The following LUC7L variants were observed in gnomAD, a reference collection of about 807,000 sequenced individuals.
The protein encoded by LUC7L is LUC7 like.
A neutral mutation model predicts 51.1 loss-of-function variants in LUC7L; 29 were observed. The observed-to-expected ratio is 0.57, with a 90% CI of 0.42 to 0.77. The LOEUF (loss-of-function observed/expected upper bound fraction) is 0.77. Ranked by LOEUF, LUC7L falls within the 30% of genes least tolerant of loss-of-function variation. The pLI, the probability that LUC7L is intolerant of heterozygous loss-of-function variation, is 0.00. For missense variants in LUC7L, 403 were observed against 511.9 expected, an observed-to-expected ratio of 0.79 and a Z score of 2.05; for synonymous variants, 181 against 180.7, an observed-to-expected ratio of 1.00 and a Z score of -0.01.
chr16:201,709 G>A (rs1028637283), intron 5 of LUC7L, among the ~76,000 whole-genome samples: 3 of 149,390 alleles, frequency 2.0e-5, no homozygotes, highest in Admixed American at 2.0e-4. Context: ...AAAGTGATGG[G>A]ATTACAGGCG....
intron 6 of LUC7L, among the ~76,000 whole-genome samples, chr16:198,400 G>A (rs781071305): frequency 6.9e-5 from 10 of 145,906 alleles, no homozygotes; most frequent in Non-Finnish European, 1.4e-4. Context: ...TCTTCACCCC[G>A]CCCTTCTGAG....
rs750188132 is a variant in LUC7L, at chr16:205,966, T to C, written c.510+38A>G. On this transcript the variant is annotated intron_variant, in intron 5 of 9. Transcript: ENST00000293872. The stretch of plus-strand genomic sequence containing the variant: ...CCAACGGTCAACGCTGCCAAATTAC[T>C]AAGATTTCTCTTGCCCTAAGGCACT... The C allele has an allele frequency of 7.6e-6, 12 of 1,580,978 alleles. No homozygotes were observed. The Admixed American group carries it at 1.8e-4, about 24-fold the overall frequency.
chr16:210,268 C>A (rs1391318521), intron 3 of LUC7L, among the ~76,000 whole-genome samples: 1 of 152,188 alleles, frequency 6.6e-6, no homozygotes, highest in Non-Finnish European at 1.5e-5. Context: ...GCCTGGGCAA[C>A]AAGAGCGAGA....
At chr16:207,965 T>C (rs572684607) in intron 4 of LUC7L, 113 bp downstream of exon 4, 6 of 658,956 alleles carry the variant, frequency 9.1e-6, no homozygotes, top group East Asian at 3.0e-5. Flanking sequence ...GCTGAGATCA[T>C]GCCACTGCAC....
rs556204991 is a variant in LUC7L, at chr16:205,878, T to C, written c.510+126A>G. Reference sequence around the variant, plus strand: ...TGCTGGGATGACAGGCGTGAGCCACTGTGCTGGGCCCAAAATGTATAAATT... The same window carrying C: ...TGCTGGGATGACAGGCGTGAGCCACCGTGCTGGGCCCAAAATGTATAAATT... On this transcript the variant is annotated intron_variant, in intron 5 of 9. Coordinates refer to ENST00000293872, the MANE Select transcript of LUC7L (RefSeq NM_201412.3). 76 of 1,140,704 alleles carry C rather than the reference T, an allele frequency of 6.7e-5. 2 individuals carry two copies. Among genetic ancestry groups the C allele is most frequent in the Middle Eastern group, 6.2e-4 (3 of 4,834 alleles). 70.7% of individuals were successfully genotyped at this position (1,140,704 alleles called of 1,614,324 possible).
At position 189,288 on chromosome 16, in the gene LUC7L, G is replaced by A. The variant is rs141300102; in HGVS notation, c.1026C>T (p.Ser342=). 32 of 1,613,264 alleles carry A rather than the reference G, an allele frequency of 2.0e-5. No individual in the cohort carries two copies. The highest frequency in any genetic ancestry group is 5.3e-5 in the African/African-American group (4 of 74,902). The change falls in exon 10 of 10, where the codon AGC becomes AGT. Residue 342 remains serine (S), a synonymous_variant. Transcript: ENST00000293872. Reference sequence around the variant, plus strand: ...GCCTCCAGTCCGGGGGCCCTCGCTCGCTCCGCCCGCTCTCCCAGGACTCCT... The same window carrying A: ...GCCTCCAGTCCGGGGGCCCTCGCTCACTCCGCCCGCTCTCCCAGGACTCCT... ...SREESWESGR[S]ERGPPDWRLE...
At chr16:212,404 T>C (rs556844678) in intron 3 of LUC7L, among the ~76,000 whole-genome samples, 3 of 152,266 alleles carry the variant, frequency 2.0e-5, no homozygotes, top group Admixed American at 6.5e-5. Flanking sequence ...CCAAGGACCC[T>C]TGTGGTCTGG....
chr16:191,020 G>C (rs1404914132), intron 7 of LUC7L, among the ~76,000 whole-genome samples: 8 of 152,150 alleles, frequency 5.3e-5, no homozygotes, highest in Non-Finnish European at 1.2e-4. Flanking sequence ...TTCCCAGTCT[G>C]AATGGGAAGT....
chr16:198,309 T>G (rs1444912656), intron 6 of LUC7L, among the ~76,000 whole-genome samples: 2 of 149,882 alleles, frequency 1.3e-5, no homozygotes, highest in African/African-American at 2.4e-5. Flanking sequence ...AAAAAAAAGT[T>G]TTTAAATGTC....
At chr16:190,592 G>A in intron 7 of LUC7L, 22 bp from the exon 8 acceptor site, 1 of 1,612,050 alleles carries the variant, frequency 6.2e-7, no homozygotes. Context: ...AAAAAAAGAT[G>A]AACAAGGCCA....
rs942547136 is a variant in LUC7L at position 213,018 on chromosome 16, C to G, written c.256-4830G>C. On this transcript the variant is annotated intron_variant, in intron 3 of 9. Coordinates refer to ENST00000293872, the MANE Select transcript of LUC7L (RefSeq NM_201412.3). ...GGCTCAAGCAATCTTCCGGCCTCTG[C>G]CTCCCACCAAAGTACTGGGATTACA... Among the ~76,000 whole-genome samples, 5 of 152,168 alleles carry G rather than the reference C, an allele frequency of 3.3e-5. No individual in the cohort carries two copies. In the East Asian group the frequency reaches 7.7e-4, roughly 23 times the overall value.
chr16:207,592 G>A (rs2049519485), intron 4 of LUC7L, among the ~76,000 whole-genome samples: 1 of 152,192 alleles, frequency 6.6e-6, no homozygotes, highest in Non-Finnish European at 1.5e-5. Flanking sequence ...TAAAAAGACA[G>A]AGGTAGCAGC....
intron 3 of LUC7L, among the ~76,000 whole-genome samples, chr16:214,422 T>C (rs900462422): frequency 6.6e-6 from 1 of 152,244 alleles, no homozygotes; most frequent in Non-Finnish European, 1.5e-5. Context: ...GGGCAGAGTC[T>C]ATCATATAGG....
chr16:203,947 C>T (rs962407930), intron 5 of LUC7L, among the ~76,000 whole-genome samples: 10 of 145,814 alleles, frequency 6.9e-5, no homozygotes, highest in Non-Finnish European at 1.5e-4. Context: ...GCCCGGGAGG[C>T]GGAGGTTGCA....
Position 220,715 on chromosome 16 carries a change from G to A in LUC7L, c.189C>T (p.His63=), listed in dbSNP as rs776856643. Residue 63 remains histidine, a synonymous_variant, in exon 3 of 10, where the codon CAC becomes CAT. Transcript: ENST00000293872. ...RMDLGECTKI[H]DLALRADYEI... The stretch of plus-strand genomic sequence containing the variant: ...CATAATCTGCTCGGAGGGCCAAGTC[G>A]TGGATTTTGGTACATTCTCCTAAAT... The A allele has an allele frequency of 6.8e-6, 11 of 1,613,930 alleles. No homozygotes were observed. The highest frequency in any genetic ancestry group is 2.2e-5 in the South Asian group (2 of 91,030).
At chr16:224,217 G>A (rs148998518) in intron 2 of LUC7L, among the ~76,000 whole-genome samples, 379 of 152,188 alleles carry the variant, frequency 2.5e-3, no homozygotes, top group African/African-American at 8.9e-3. Flanking sequence ...AGAAAGATAT[G>A]ACATTAGAAA....
Position 190,024 on chromosome 16 carries a change from G to A in LUC7L, c.918C>T (p.Ser306=), listed in dbSNP as rs373454110. 115 of 1,613,940 alleles carry A rather than the reference G, an allele frequency of 7.1e-5. 1 individual carries two copies. Among genetic ancestry groups the A allele is most frequent in the Non-Finnish European group, 9.4e-5 (111 of 1,180,018 alleles). The part of the protein sequence containing the change: ...RDRHRRHRSR[S]RSHSRGHRRA... Reference sequence around the variant, plus strand: ...GACGATGTCCCCGGCTGTGGCTCCGGGAACGGCTGCGGTGGCGCCGATGTC... The same window carrying A: ...GACGATGTCCCCGGCTGTGGCTCCGAGAACGGCTGCGGTGGCGCCGATGTC... Residue 306 remains serine (S), a synonymous_variant, in exon 9 of 10, where the codon TCC becomes TCT. Coordinates refer to ENST00000293872, the MANE Select transcript of LUC7L (RefSeq NM_201412.3).
At chr16:209,745 G>A (rs1405461818) in intron 3 of LUC7L, 2 of 152,176 alleles carry the variant, frequency 1.3e-5, no homozygotes, top group Non-Finnish European at 2.9e-5. Context: ...TCCTAAAACA[G>A]ACAGGAGACA....
intron 2 of LUC7L, among the ~76,000 whole-genome samples, chr16:224,954 T>G (rs2050088973): frequency 6.6e-6 from 1 of 152,234 alleles, no homozygotes; most frequent in Non-Finnish European, 1.5e-5. Context: ...CCTCTTTGGA[T>G]GTAGCTTTTC....
Sources: gnomAD v4.1 joint callset for allele counts (sites outside exome capture counted in the v4.1 genomes callset) on GRCh38, gnomAD v4.1.1 for gene constraint, MANE v1.5 for transcripts, NCBI Gene and HGNC (gene_info 2026-07-23, HGNC 2026-07-21) for gene names.